DYNC2H1: variants seen among roughly 807,000 people sequenced by gnomAD.
DYNC2H1 encodes the protein cytoplasmic dynein 2 heavy chain 1.
Under a neutral mutation model 570.0 loss-of-function variants are expected in DYNC2H1, and 410 were observed. The ratio of observed to expected loss-of-function variants is 0.72; its 90% CI spans 0.66 to 0.78. The LOEUF (loss-of-function observed/expected upper bound fraction) is 0.78, where lower values mean the gene tolerates loss of function less well. Among genes scored for constraint, DYNC2H1 ranks in the 30% least tolerant of loss-of-function variants. The pLI is 0.00. For missense variants in DYNC2H1, 4,865 were observed against 5,046.4 expected (o/e 0.96, Z 1.09); for synonymous variants, 1,688 against 1,677.6 (o/e 1.01, Z -0.15).
At position 103,392,268 on chromosome 11, in the gene DYNC2H1, T is replaced by C. The variant is rs371967913; in HGVS notation, c.12157-7395T>C. Among the ~76,000 whole-genome samples, 25 of 152,330 alleles carry C rather than the reference T, an allele frequency of 1.6e-4. 2 individuals are homozygous for C. In the East Asian group the frequency reaches 3.1e-3, roughly 19 times the overall value. Reference sequence around the variant, plus strand: ...TCAGACTGCTGTGCTAGCAATGAGCTAGGCTCCATGGGCATAGGACCCTCC... The same window carrying C: ...TCAGACTGCTGTGCTAGCAATGAGCCAGGCTCCATGGGCATAGGACCCTCC... On this transcript the variant is annotated intron_variant, in intron 83 of 88. Coordinates refer to ENST00000375735, the MANE Select transcript of DYNC2H1 (RefSeq NM_001377.3).
At chr11:103,300,706 A>G (rs930391725) in intron 75 of DYNC2H1, among the ~76,000 whole-genome samples, 5 of 151,932 alleles carry the variant, frequency 3.3e-5, no homozygotes, top group Non-Finnish European at 5.9e-5. Context: ...TGGGATTTTA[A>G]AATTAAAAGT....
At chr11:103,468,845 A>G (rs1945277784) in intron 88 of DYNC2H1, 140 bp downstream of exon 88, 2 of 612,080 alleles carry the variant, frequency 3.3e-6, no homozygotes, top group Non-Finnish European at 5.6e-6. Flanking sequence ...TGCAGTCAAA[A>G]GTACTTTATC....
rs867564996 is a variant in DYNC2H1 at position 103,365,748 on chromosome 11, T to C, written c.12156+7389T>C. Among the ~76,000 whole-genome samples the C allele has an allele frequency of 2.6e-5, 4 of 152,344 alleles. No homozygotes were observed. The South Asian group carries it at 8.3e-4, about 32-fold the overall frequency. ...AAAAGGTTTGAACATGCAAAGAAAT[T>C]ATATTTTGCAATTTTTAAAACCTAC... On this transcript the variant is annotated intron_variant, in intron 83 of 88. Transcript: ENST00000375735.
intron 17 of DYNC2H1, among the ~76,000 whole-genome samples, 180 bp downstream of exon 17, chr11:103,136,128 A>C (rs934145383): frequency 3.9e-5 from 6 of 151,990 alleles, no homozygotes; most frequent in Non-Finnish European, 7.4e-5. Flanking sequence ...AAGAGAAAAA[A>C]GTTATGGGAA....
intron 84 of DYNC2H1, chr11:103,407,843 G>C (rs1942924901): frequency 6.6e-6 from 1 of 151,868 alleles, no homozygotes; most frequent in Non-Finnish European, 1.5e-5. Context: ...TTATGGCTAG[G>C]GGCCATGATG....
rs990932108 is a variant in DYNC2H1, at chr11:103,395,146, T to G, written c.12157-4517T>G. ...GTAGATGCTTGGGAAAGTTGTCTGT[T>G]GAACTTGCATTAATCAGTTATGACA... On this transcript the variant is annotated intron_variant, in intron 83 of 88. Coordinates refer to ENST00000375735, the MANE Select transcript of DYNC2H1 (RefSeq NM_001377.3). This position sits in a 1 kb window ranked among gnomAD's most constrained non-coding sequence, Gnocchi z 4.3. 2.6e-5 allele frequency among the ~76,000 whole-genome samples: 4 copies of G among 152,170 alleles called. No individual in the cohort carries two copies. The highest frequency in any genetic ancestry group is 4.4e-5 in the Non-Finnish European group (3 of 68,040).
intron 70 of DYNC2H1, among the ~76,000 whole-genome samples, chr11:103,267,633 T>C (rs1003159812): frequency 2.0e-5 from 3 of 152,054 alleles, no homozygotes; most frequent in Non-Finnish European, 4.4e-5. Flanking sequence ...TTTTTCATTA[T>C]ACAAACAAAA....
Position 103,304,497 on chromosome 11 carries a change from G to A in DYNC2H1, c.11257-98G>A. On this transcript the variant is annotated intron_variant, in intron 76 of 88. Coordinates refer to ENST00000375735, the MANE Select transcript of DYNC2H1 (RefSeq NM_001377.3). Reference sequence around the variant, plus strand: ...CAAATTTATTATTAAAGCCAGTTAGGAAGGTTTAGGGATTACTATTATTGA... The same window carrying A: ...CAAATTTATTATTAAAGCCAGTTAGAAAGGTTTAGGGATTACTATTATTGA... 6.3e-6 allele frequency: 8 copies of A among 1,261,846 alleles called. No homozygotes were observed. In the South Asian group the frequency reaches 1.8e-4, roughly 29 times the overall value. 78.2% of individuals were successfully genotyped at this position (1,261,846 alleles called of 1,614,324 possible). A position where few individuals can be genotyped will look rare whatever the true frequency, so the allele number is the denominator to read the frequency against.
In DYNC2H1 at chr11:103,121,444, A is replaced by G. The variant is rs756419144; in HGVS notation, c.1433A>G (p.Asn478Ser). The G allele has an allele frequency of 6.2e-7, 1 of 1,613,550 alleles. No homozygotes were observed. Among genetic ancestry groups the G allele is most frequent in the East Asian group, 2.2e-5 (1 of 44,842 alleles). Reference sequence around the variant, plus strand: ...GCATCTGGACCACTTTCTGGCAAAAATCTTTCAGAAGTTGTCAACAGTATA... The same window carrying G: ...GCATCTGGACCACTTTCTGGCAAAAGTCTTTCAGAAGTTGTCAACAGTATA... ...GDASGPLSGK[N>S]LSEVVNSIVW... Residue 478 changes from asparagine to serine, a missense_variant, in exon 10 of 89, where the codon AAT (asparagine) becomes AGT (serine). Transcript: ENST00000375735.
chr11:103,222,949 C>T lies in DYNC2H1; in HGVS notation c.9232-16C>T, dbSNP rs561571604. 3.5e-5 allele frequency: 57 copies of T among 1,612,044 alleles called. No individual in the cohort carries two copies. In the South Asian group the frequency reaches 6.2e-4, roughly 17 times the overall value. On this transcript the variant is annotated splice_polypyrimidine_tract_variant and intron_variant, in intron 58 of 88. Transcript: ENST00000375735. ...ATTAAGTAAGGATGTTGAATCACTT[C>T]TCATGGATTTTTCAGAATGCTAAGC...
chr11:103,212,332 A>G lies in DYNC2H1; in HGVS notation c.8694+389A>G, dbSNP rs12224754. On this transcript the variant is annotated intron_variant, in intron 54 of 88. Transcript: ENST00000375735. ...GGGTGGGGAGGGATAAAAGGCAACA[A>G]ATATGGTGCAGTGTATACTGCCCTG... 2.0e-5 allele frequency among the ~76,000 whole-genome samples: 3 copies of G among 152,166 alleles called. No homozygotes were observed. In the East Asian group the frequency reaches 5.8e-4, roughly 29 times the overall value.
chr11:103,313,676 G>A (rs1565487661), intron 79 of DYNC2H1, among the ~76,000 whole-genome samples: 1 of 152,190 alleles, frequency 6.6e-6, no homozygotes. Flanking sequence ...TGCCTCAACT[G>A]TAGAACGAGA....
intron 59 of DYNC2H1, among the ~76,000 whole-genome samples, chr11:103,225,121 G>A (rs1863753393): frequency 7.0e-6 from 1 of 142,126 alleles, no homozygotes; most frequent in African/African-American, 2.5e-5. Flanking sequence ...TTGCTGAATT[G>A]TAAGAGTTTG....
At position 103,261,466 on chromosome 11, in the gene DYNC2H1, C is replaced by T. The variant is rs1037977385; in HGVS notation, c.10695+1489C>T. Among the ~76,000 whole-genome samples, 59 of 152,192 alleles carry T rather than the reference C, an allele frequency of 3.9e-4. No homozygotes were observed. Among genetic ancestry groups the T allele is most frequent in the African/African-American group, 1.3e-3 (54 of 41,490 alleles). ...GGAGCACTGCAGCTGGCATCTGGTG[C>T]GTGCCCCTCTAGGACGAAGCTTCCA... On this transcript the variant is annotated intron_variant, in intron 70 of 88. Coordinates refer to ENST00000375735, the MANE Select transcript of DYNC2H1 (RefSeq NM_001377.3). This position sits in a 1 kb window ranked among gnomAD's most constrained non-coding sequence, Gnocchi z 4.8.
chr11:103,304,223 A>G (rs545147072), intron 76 of DYNC2H1, among the ~76,000 whole-genome samples: 22 of 152,060 alleles, frequency 1.4e-4, no homozygotes, highest in Non-Finnish European at 3.1e-4. Flanking sequence ...AAAGATAGCA[A>G]AATAGCAGCG....
chr11:103,211,149 G>A (rs1387023275), intron 53 of DYNC2H1, among the ~76,000 whole-genome samples: 1 of 151,986 alleles, frequency 6.6e-6, no homozygotes, highest in Non-Finnish European at 1.5e-5. Flanking sequence ...TAATCTAAAT[G>A]AGACTTGATG....
chr11:103,186,428 T>G lies in DYNC2H1; in HGVS notation c.6820T>G (p.Tyr2274Asp), dbSNP rs1383599873. 3 of 1,612,786 alleles carry G rather than the reference T, an allele frequency of 1.9e-6. No homozygotes were observed. The highest frequency in any genetic ancestry group is 2.5e-6 in the Non-Finnish European group (3 of 1,179,164). The change falls in exon 42 of 89, where the codon TAT becomes GAT. Residue 2274 changes from tyrosine (Y) to aspartate (D), a missense_variant. Physicochemically the swap from Tyr to Asp is radical, Grantham distance 160. This residue lies in a region of DYNC2H1 where 2,401 missense variants were observed against 2,454.6 expected (regional missense o/e 0.98). Coordinates refer to ENST00000375735, the MANE Select transcript of DYNC2H1 (RefSeq NM_001377.3). The surrounding 1 kb of genome is among the most constrained non-coding windows in gnomAD (Gnocchi z 4.5). ...TCCTGACATGCAACGAGGTCTAGAT[T>G]ATTTCAAACCATGGTTAAGTTCTGA... ...QTPDMQRGLD[Y>D]FKPWLSSDTK...
rs1311062695 is a variant in DYNC2H1 at position 103,204,976 on chromosome 11, A to G, written c.8454+12A>G. 1.3e-6 allele frequency: 2 copies of G among 1,538,484 alleles called. No individual in the cohort carries two copies. The highest frequency in any genetic ancestry group is 2.1e-5 in the Admixed American group (1 of 46,964). On this transcript the variant is annotated intron_variant, in intron 52 of 88. Coordinates refer to ENST00000375735, the MANE Select transcript of DYNC2H1 (RefSeq NM_001377.3). The surrounding 1 kb of genome is among the most constrained non-coding windows in gnomAD (Gnocchi z 4.1). ...GCAGTATGAAGAAAGTAAGTTTAACAAATATTAAAAAATTTAAAAGCACAT... is the reference window on the plus strand; with the variant it reads ...GCAGTATGAAGAAAGTAAGTTTAACGAATATTAAAAAATTTAAAAGCACAT...
In DYNC2H1 at chr11:103,319,498, T is replaced by G. The variant is rs541689447; in HGVS notation, c.11726-1531T>G. The stretch of plus-strand genomic sequence containing the variant: ...CTCAGTTTATTCGAATATCCAGAAG[T>G]TTAAATTACAAAAGCTACATGAAGC... On this transcript the variant is annotated intron_variant, in intron 80 of 88. Transcript: ENST00000375735. This position sits in a 1 kb window ranked among gnomAD's most constrained non-coding sequence, Gnocchi z 4.3. Among the ~76,000 whole-genome samples the G allele has an allele frequency of 4.1e-4, 62 of 152,254 alleles. No homozygotes were observed. Among genetic ancestry groups the G allele is most frequent in the African/African-American group, 1.4e-3 (58 of 41,576 alleles).
Sources: allele counts gnomAD v4.1 joint callset (sites outside exome capture counted in the v4.1 genomes callset), GRCh38; gene constraint gnomAD v4.1.1; regional missense constraint gnomAD v4.1.1; non-coding constraint Gnocchi (gnomAD v3.1); transcripts MANE v1.5; gene names NCBI Gene and HGNC (gene_info 2026-07-23, HGNC 2026-07-21).